RASAL2: variants seen among roughly 807,000 people sequenced by gnomAD.
RASAL2 encodes the protein RAS protein activator like 2.
A neutral mutation model predicts 128.9 loss-of-function variants in RASAL2; 58 were observed. That is an observed-to-expected ratio of 0.45 (90% CI 0.36 to 0.56). The LOEUF is 0.56. Ranked by LOEUF, RASAL2 falls within the 20% of genes least tolerant of loss-of-function variation. The pLI is 0.00. For synonymous variants in RASAL2, 561 were observed against 580.8 expected (o/e 0.97, Z 0.49); for missense variants, 1,360 against 1,601.6 (o/e 0.85, Z 2.57).
chr1:178,262,563 G>A (rs1665747816), intron 1 of RASAL2, among the ~76,000 whole-genome samples: 1 of 152,078 alleles, frequency 6.6e-6, no homozygotes, highest in African/African-American at 2.4e-5. Flanking sequence ...CATCAAATTT[G>A]TCATTGTTTT....
chr1:178,259,026 A>G (rs868019305), intron 1 of RASAL2, among the ~76,000 whole-genome samples: 20 of 151,860 alleles, frequency 1.3e-4, no homozygotes, highest in Admixed American at 6.6e-5. Flanking sequence ...CATATGAAGT[A>G]TCCAGACTAT....
intron 4 of RASAL2, among the ~76,000 whole-genome samples, chr1:178,396,498 G>A (rs765076523): frequency 3.3e-5 from 5 of 152,058 alleles, no homozygotes; most frequent in Admixed American, 1.3e-4. Context: ...AGCCAGAGAT[G>A]TAGAAAAGAA....
chr1:178,282,155 C>T (rs924161072), intron 1 of RASAL2, among the ~76,000 whole-genome samples: 10 of 152,084 alleles, frequency 6.6e-5, no homozygotes, highest in African/African-American at 2.4e-4. Flanking sequence ...AAAGACAAAA[C>T]AGTGAACTTC....
intron 1 of RASAL2, among the ~76,000 whole-genome samples, chr1:178,105,229 T>C (rs1455057592): frequency 6.6e-6 from 1 of 152,146 alleles, no homozygotes; most frequent in Non-Finnish European, 1.5e-5. Context: ...ATTAAAGTAA[T>C]TTAAAATCTT....
intron 1 of RASAL2, among the ~76,000 whole-genome samples, chr1:178,155,190 T>A (rs1357257423): frequency 6.6e-6 from 1 of 152,142 alleles, no homozygotes; most frequent in Admixed American, 6.5e-5. Context: ...GGAAATAGGA[T>A]TTTGATTCTG....
chr1:178,424,861 G>A (rs1349982666), intron 5 of RASAL2, among the ~76,000 whole-genome samples: 1 of 152,160 alleles, frequency 6.6e-6, no homozygotes, highest in Non-Finnish European at 1.5e-5. Context: ...TCTAAAGAAA[G>A]CAAGCTGTGA....
chr1:178,274,273 C>A (rs963197351), intron 1 of RASAL2, among the ~76,000 whole-genome samples: 1 of 152,136 alleles, frequency 6.6e-6, no homozygotes, highest in African/African-American at 2.4e-5. Context: ...TGAGTTCACT[C>A]TTTTTCACCC....
chr1:178,310,996 G>A (rs1052929948), intron 3 of RASAL2, among the ~76,000 whole-genome samples: 1 of 152,102 alleles, frequency 6.6e-6, no homozygotes, highest in Non-Finnish European at 1.5e-5. Flanking sequence ...ACCCACACTA[G>A]AGGCTCCTCT....
In RASAL2 at chr1:178,429,205, G is replaced by T. The variant is rs78930951; in HGVS notation, c.674+8585G>T. ...TCTTCATCATGCAGTCTTATGGTCC[G>T]CAGGAAACCTCCACAAATCTTTTGC... On this transcript the variant is annotated intron_variant, in intron 5 of 17. Transcript: ENST00000367649. Among the ~76,000 whole-genome samples, 513 of 152,120 alleles carry T rather than the reference G, an allele frequency of 3.4e-3. 4 individuals are homozygous for T. The highest frequency in any genetic ancestry group is 0.012 in the African/African-American group (495 of 41,502).
intron 3 of RASAL2, among the ~76,000 whole-genome samples, chr1:178,310,153 T>C (rs930854539): frequency 6.6e-6 from 1 of 152,238 alleles, no homozygotes; most frequent in East Asian, 1.9e-4. Flanking sequence ...TAGAATCTTC[T>C]ATAAAACTAC....
intron 1 of RASAL2, among the ~76,000 whole-genome samples, chr1:178,239,015 G>C (rs1355499019): frequency 2.6e-5 from 4 of 151,892 alleles, no homozygotes; most frequent in Non-Finnish European, 5.9e-5. Flanking sequence ...GTTAACCACA[G>C]GTATTTTTCC....
chr1:178,389,005 A>C (rs2102599660), intron 3 of RASAL2, among the ~76,000 whole-genome samples: 1 of 152,272 alleles, frequency 6.6e-6, no homozygotes, highest in East Asian at 1.9e-4. Flanking sequence ...ACAGAGAGGG[A>C]GCGAGAGAAA....
At chr1:178,164,823 T>TTGTGTGTG (rs200932615) in intron 1 of RASAL2, among the ~76,000 whole-genome samples, 103 of 131,994 alleles carry the variant, frequency 7.8e-4, no homozygotes, top group Middle Eastern at 8.1e-3. Context: ...CATCAAACGT[T>TTGTGTGTG]TGTGTGTGTG....
At chr1:178,207,317 C>G (rs755779843) in intron 1 of RASAL2, among the ~76,000 whole-genome samples, 1 of 152,120 alleles carries the variant, frequency 6.6e-6, no homozygotes, top group Non-Finnish European at 1.5e-5. Flanking sequence ...GGTCCCACAT[C>G]TGCAGATTCA....
At chr1:178,327,554 A>G (rs892120406) in intron 3 of RASAL2, among the ~76,000 whole-genome samples, 1 of 151,932 alleles carries the variant, frequency 6.6e-6, no homozygotes, top group African/African-American at 2.4e-5. Flanking sequence ...ATTTCTCCAC[A>G]TTACCCAGGC....
intron 3 of RASAL2, among the ~76,000 whole-genome samples, chr1:178,329,600 G>A (rs1669192697): frequency 6.6e-6 from 1 of 152,164 alleles, no homozygotes; most frequent in Non-Finnish European, 1.5e-5. Context: ...TGAGACGCTG[G>A]AGCAGTGCCC....
intron 1 of RASAL2, among the ~76,000 whole-genome samples, chr1:178,271,420 T>G (rs1292510223): frequency 1.3e-5 from 2 of 152,242 alleles, no homozygotes; most frequent in Non-Finnish European, 2.9e-5. Context: ...TGAAAGGAAG[T>G]GAAATTATAT....
intron 1 of RASAL2, among the ~76,000 whole-genome samples, chr1:178,273,542 G>A (rs1276389475): frequency 6.6e-6 from 1 of 152,102 alleles, no homozygotes; most frequent in Non-Finnish European, 1.5e-5. Flanking sequence ...TTTTGTATTG[G>A]CATTTTTAAT....
At chr1:178,472,119 G>A (rs541289216) in intron 17 of RASAL2, among the ~76,000 whole-genome samples, 2 of 152,294 alleles carry the variant, frequency 1.3e-5, no homozygotes, top group African/African-American at 4.8e-5. Flanking sequence ...CTGAAGCTAA[G>A]ATTAGGGTAT....
Sources: allele counts gnomAD v4.1 joint callset (sites outside exome capture counted in the v4.1 genomes callset), GRCh38; gene constraint gnomAD v4.1.1; transcripts MANE v1.5; gene names NCBI Gene and HGNC (gene_info 2026-07-23, HGNC 2026-07-21).